APBA1: variants seen among roughly 807,000 people sequenced by gnomAD.
APBA1 encodes the protein amyloid-beta A4 precursor protein-binding family A member 1.
In APBA1, 55 loss-of-function variants were observed where a neutral mutation model predicts 86.6. The ratio of observed to expected loss-of-function variants is 0.64; its 90% confidence interval spans 0.51 to 0.80. The LOEUF (loss-of-function observed/expected upper bound fraction) is 0.80. Among genes scored for constraint, APBA1 ranks in the 30% least tolerant of loss-of-function variants. The pLI is 0.00. For missense variants in APBA1, 1,090 were observed against 1,183.0 expected, an observed-to-expected ratio of 0.92 and a Z score of 1.15; for synonymous variants, 511 against 493.9, an observed-to-expected ratio of 1.03 and a Z score of -0.46.
chr9:69,544,927 T>C (rs1836673763), intron 1 of APBA1, among the ~76,000 whole-genome samples: 1 of 152,192 alleles, frequency 6.6e-6, no homozygotes, highest in Admixed American at 6.5e-5. Context: ...GGTTCTTCAA[T>C]GAAGCTAGAA....
chr9:69,608,461 A>G (rs1822519517), intron 1 of APBA1, among the ~76,000 whole-genome samples: 1 of 152,218 alleles, frequency 6.6e-6, no homozygotes, highest in Non-Finnish European at 1.5e-5. Flanking sequence ...GTTGTTACCC[A>G]GATATGAAAA....
chr9:69,471,652 T>C lies in APBA1; in HGVS notation c.1336+4A>G. Reference sequence around the variant, plus strand: ...GTGCTCAGTATTTTCTTTTCAGCTCTTACCTTCAACGTAGGTTGGGAATGA... The same window carrying C: ...GTGCTCAGTATTTTCTTTTCAGCTCCTACCTTCAACGTAGGTTGGGAATGA... On this transcript the variant is annotated splice_donor_region_variant and intron_variant, in intron 4 of 12. Transcript: ENST00000265381. 6.2e-7 allele frequency: 1 copy of C among 1,613,310 alleles called. No individual in the cohort carries two copies. The highest frequency in any genetic ancestry group is 8.5e-7 in the Non-Finnish European group (1 of 1,179,438).
At chr9:69,491,641 C>A (rs1274600599) in intron 2 of APBA1, among the ~76,000 whole-genome samples, 1 of 151,538 alleles carries the variant, frequency 6.6e-6, no homozygotes, top group Non-Finnish European at 1.5e-5. Context: ...ACTCCTAAGA[C>A]AATGGGTTTA....
intron 11 of APBA1, among the ~76,000 whole-genome samples, chr9:69,440,137 T>C (rs1436191290): frequency 6.6e-6 from 1 of 152,196 alleles, no homozygotes; most frequent in African/African-American, 2.4e-5. Flanking sequence ...TGATCGTTCC[T>C]CTGGAAGTTT....
chr9:69,647,565 C>T (rs7868291), intron 1 of APBA1, among the ~76,000 whole-genome samples: 34,091 of 152,138 alleles, frequency 0.22, 4,133 homozygotes, highest in South Asian at 0.29. Context: ...CAACCAAAGT[C>T]AAGTTTCCTG....
intron 2 of APBA1, among the ~76,000 whole-genome samples, chr9:69,496,445 C>CATGCTAGTTGACAGTTTGCT (rs1341190177): frequency 2.0e-5 from 3 of 152,068 alleles, no homozygotes; most frequent in African/African-American, 7.2e-5. Context: ...CAAATCCTCC[C>CATGCTAGTTGACAGTTTGCT]ATGCTAGTTG....
intron 2 of APBA1, among the ~76,000 whole-genome samples, chr9:69,502,073 G>A (rs938585014): frequency 3.3e-5 from 5 of 152,212 alleles, no homozygotes; most frequent in Non-Finnish European, 7.4e-5. Context: ...CCATCAAAAA[G>A]TTGAGAAAGA....
At chr9:69,440,325 T>C (rs1408643169) in intron 11 of APBA1, among the ~76,000 whole-genome samples, 1 of 152,202 alleles carries the variant, frequency 6.6e-6, no homozygotes. Context: ...GACAGGGACA[T>C]TTAAGTCTGT....
rs569788166 is a variant in APBA1, at chr9:69,447,015, G to T, written c.2181+2569C>A. 2.0e-5 allele frequency among the ~76,000 whole-genome samples: 3 copies of T among 152,292 alleles called. No individual in the cohort carries two copies. In the South Asian group the frequency reaches 6.2e-4, roughly 32 times the overall value. ...TCACAGTTCTGGAGGCTGGAAGTCT[G>T]AGCTCAGCGTACCAGCACTGTCAGG... On this transcript the variant is annotated intron_variant, in intron 10 of 12. Coordinates refer to ENST00000265381, the MANE Select transcript of APBA1 (RefSeq NM_001163.4).
chr9:69,604,330 G>C (rs1329238139), intron 1 of APBA1, among the ~76,000 whole-genome samples: 1 of 137,886 alleles, frequency 7.3e-6, no homozygotes, highest in Non-Finnish European at 1.6e-5. Flanking sequence ...GGGCACACAT[G>C]CACACACATG....
At chr9:69,431,420 T>C (rs1322518452) in intron 12 of APBA1, 22 bp from the exon 13 acceptor site, 2 of 1,607,194 alleles carry the variant, frequency 1.2e-6, no homozygotes, top group Non-Finnish European at 1.7e-6. Context: ...GAACACACTT[T>C]AGTGGGGGGC....
chr9:69,516,613 C>G lies in APBA1; in HGVS notation c.598G>C (p.Glu200Gln). Residue 200 changes from glutamate (E) to glutamine (Q), a missense_variant, in exon 2 of 13, where the codon GAG becomes CAG. Around this residue, in one of 6 missense-constraint regions of APBA1, gnomAD observed 678 missense variants for 647.1 expected, o/e 1.05. Transcript: ENST00000265381. This position sits in a 1 kb window ranked among gnomAD's most constrained non-coding sequence, Gnocchi z 7.3. The part of the protein sequence containing the change: ...YGGLQEHVYE[E>Q]IGDAPELDAR... ...TCCAGCTCGGGCGCGTCCCCTATCT[C>G]CTCGTACACGTGCTCCTGGAGGCCG... The G allele has an allele frequency of 6.2e-7, 1 of 1,606,646 alleles. No homozygotes were observed.
At chr9:69,669,931 C>T (rs1025606583) in intron 1 of APBA1, among the ~76,000 whole-genome samples, 2 of 152,154 alleles carry the variant, frequency 1.3e-5, no homozygotes, top group African/African-American at 4.8e-5. Context: ...ACATTTACAT[C>T]CCTGGTCTTA....
chr9:69,580,060 A>G (rs778952030), intron 1 of APBA1, among the ~76,000 whole-genome samples: 1 of 152,204 alleles, frequency 6.6e-6, no homozygotes, highest in Non-Finnish European at 1.5e-5. Context: ...TTAACAACAG[A>G]TGTTTACTGG....
intron 1 of APBA1, among the ~76,000 whole-genome samples, chr9:69,646,653 T>G (rs1023498110): frequency 2.0e-5 from 3 of 152,180 alleles, no homozygotes; most frequent in Admixed American, 6.5e-5. Context: ...CTCCTGCAGG[T>G]AAGTTACCAG....
At chr9:69,511,869 A>T (rs1339452632) in intron 2 of APBA1, among the ~76,000 whole-genome samples, 1 of 151,426 alleles carries the variant, frequency 6.6e-6, no homozygotes, top group Non-Finnish European at 1.5e-5. Context: ...CGGGAATTGA[A>T]CAATGAGATC....
At chr9:69,563,989 C>T (rs560609683) in intron 1 of APBA1, among the ~76,000 whole-genome samples, 4 of 152,138 alleles carry the variant, frequency 2.6e-5, no homozygotes, top group Admixed American at 6.5e-5. Context: ...CCCCTTTTTC[C>T]GGTGGTGGTG....
In APBA1 at chr9:69,573,319, G is replaced by A. The variant is rs542946036; in HGVS notation, c.-69-56040C>T. Among the ~76,000 whole-genome samples, 4 of 152,190 alleles carry A rather than the reference G, an allele frequency of 2.6e-5. No homozygotes were observed. The East Asian group carries it at 5.8e-4, about 22-fold the overall frequency. On this transcript the variant is annotated intron_variant, in intron 1 of 12. Coordinates refer to ENST00000265381, the MANE Select transcript of APBA1 (RefSeq NM_001163.4). ...CAACAAGCTAATTTAAAAATTAGCT[G>A]GGTGTGGTGGCAGGCACCTGTGGTC...
In APBA1 at chr9:69,449,629, G is replaced by A. The variant is rs1323863283; in HGVS notation, c.2136C>T (p.Thr712=). The change falls in exon 10 of 13, where the codon ACC becomes ACT. Residue 712 remains threonine (T), a synonymous_variant. Coordinates refer to ENST00000265381, the MANE Select transcript of APBA1 (RefSeq NM_001163.4). ...TGGACAGAGGCAGGCCCACCAGGCT[G>A]GTGCCATTAATGGACATGATCTGGT... ...IGDQIMSING[T]SLVGLPLSTC... is the part of the protein sequence containing the mutation. 1 of 1,613,966 alleles carries A rather than the reference G, an allele frequency of 6.2e-7. No homozygotes were observed. The highest frequency in any genetic ancestry group is 8.5e-7 in the Non-Finnish European group (1 of 1,180,028).
Sources: gnomAD v4.1 joint callset for allele counts (sites outside exome capture counted in the v4.1 genomes callset) on GRCh38, gnomAD v4.1.1 for gene constraint, gnomAD v4.1.1 regional missense constraint, Gnocchi (gnomAD v3.1) non-coding constraint, MANE v1.5 for transcripts, NCBI Gene and HGNC (gene_info 2026-07-23, HGNC 2026-07-21) for gene names.